CCDC15: variants seen among roughly 807,000 people sequenced by gnomAD.
CCDC15 encodes the protein coiled-coil domain-containing protein 15.
CCDC15 carries 105 observed loss-of-function variants against 114.5 expected under a neutral mutation model. That is an observed-to-expected ratio of 0.92 (90% CI 0.78 to 1.08). CCDC15 has a LOEUF of 1.08. CCDC15 is among the 50% of genes least tolerant of loss of function. The pLI, the probability that CCDC15 is intolerant of heterozygous loss-of-function variation, is 0.00. For missense variants in CCDC15, 1,105 were observed against 1,093.6 expected, an observed-to-expected ratio of 1.01 and a Z score of -0.15; for synonymous variants, 334 against 377.8, an observed-to-expected ratio of 0.88 and a Z score of 1.34.
At chr11:124,980,089 G>A (rs1359483392) in intron 6 of CCDC15, among the ~76,000 whole-genome samples, 2 of 152,242 alleles carry the variant, frequency 1.3e-5, no homozygotes, top group East Asian at 1.9e-4. Context: ...AATGATTTGT[G>A]TATGTTGAAC....
intron 4 of CCDC15, among the ~76,000 whole-genome samples, chr11:124,968,992 C>A (rs184672763): frequency 2.6e-5 from 4 of 152,116 alleles, no homozygotes; most frequent in African/African-American, 9.7e-5. Context: ...CTTAATTTTG[C>A]CCTCTCAGGT....
chr11:124,957,520 G>A (rs979589534), intron 2 of CCDC15, among the ~76,000 whole-genome samples: 17 of 152,216 alleles, frequency 1.1e-4, no homozygotes, highest in Admixed American at 9.2e-4. Context: ...AAGAACAGAG[G>A]TGGAAGTTTC....
At chr11:124,989,881 T>C (rs919984600) in intron 8 of CCDC15, among the ~76,000 whole-genome samples, 1 of 152,258 alleles carries the variant, frequency 6.6e-6, no homozygotes, top group Non-Finnish European at 1.5e-5. Flanking sequence ...TGGTTTGATC[T>C]GTCCATACTG....
At chr11:124,971,464 C>G (rs899061575) in intron 4 of CCDC15, among the ~76,000 whole-genome samples, 11 of 152,134 alleles carry the variant, frequency 7.2e-5, no homozygotes, top group Admixed American at 6.5e-5. Flanking sequence ...TTCAGAAGGT[C>G]GGTAATAACA....
rs1948807522 is a variant in CCDC15, at chr11:125,040,353, A to G, written c.2735-237A>G. ...TGCCTGGCCTATGATGACATTTTGT[A>G]TATACCTTTGGTTTGGAAGTATTAC... On this transcript the variant is annotated intron_variant, in intron 15 of 15. Transcript: ENST00000344762. Among the ~76,000 whole-genome samples, 4 of 152,244 alleles carry G rather than the reference A, an allele frequency of 2.6e-5. No individual in the cohort carries two copies. In the South Asian group the frequency reaches 8.3e-4, roughly 32 times the overall value.
intron 13 of CCDC15, among the ~76,000 whole-genome samples, chr11:125,019,366 G>A (rs1208802433): frequency 6.6e-6 from 1 of 151,918 alleles, no homozygotes; most frequent in Non-Finnish European, 1.5e-5. Flanking sequence ...GAGACACTAA[G>A]TTATTTACTT....
intron 11 of CCDC15, among the ~76,000 whole-genome samples, chr11:124,995,439 T>C (rs1948348765): frequency 6.6e-6 from 1 of 152,222 alleles, no homozygotes; most frequent in African/African-American, 2.4e-5. Flanking sequence ...ATACCTGTTT[T>C]GTTTACCATT....
intron 11 of CCDC15, among the ~76,000 whole-genome samples, chr11:124,996,004 A>G: frequency 1.3e-5 from 2 of 151,662 alleles, no homozygotes; most frequent in South Asian, 4.2e-4. Flanking sequence ...TAATTTTTGT[A>G]TTTTTAGTAG....
rs572457799 is a variant in CCDC15, at chr11:125,030,737, C to T, written c.2412-7694C>T. On this transcript the variant is annotated intron_variant, in intron 13 of 15. Transcript: ENST00000344762. ...TAGCCAGGTCAGCCTTGGTGAGTGG[C>T]AGTCCATGTTGCTGAGCCCATGCGT... 3.9e-5 allele frequency among the ~76,000 whole-genome samples: 6 copies of T among 152,258 alleles called. No homozygotes were observed. In the South Asian group the frequency reaches 1.2e-3, roughly 32 times the overall value.
At position 124,987,909 on chromosome 11, in the gene CCDC15, T is replaced by G; in HGVS notation, c.1683T>G (p.Asp561Glu). The change falls in exon 8 of 16, where the codon GAT (aspartate) becomes GAG (glutamate). Residue 561 changes from aspartate to glutamate, a missense_variant. By Grantham distance (45) the Asp-to-Glu change is conservative (BLOSUM62 2). Coordinates refer to ENST00000344762, the MANE Select transcript of CCDC15 (RefSeq NM_025004.3). ...WNILPKCQDQ[D>E]FLPRDQGVLP... The stretch of plus-strand genomic sequence containing the variant: ...TTCTACCCAAATGTCAGGACCAGGA[T>G]TTTCTACCCAGAGACCAAGGTGTTC... The G allele has an allele frequency of 6.2e-7, 1 of 1,613,810 alleles. No individual in the cohort carries two copies. Among genetic ancestry groups the G allele is most frequent in the Non-Finnish European group, 8.5e-7 (1 of 1,179,844 alleles).
chr11:125,021,475 T>C (rs747096731), intron 13 of CCDC15, among the ~76,000 whole-genome samples: 2 of 151,812 alleles, frequency 1.3e-5, no homozygotes, highest in Non-Finnish European at 2.9e-5. Flanking sequence ...AGCCACAAAT[T>C]ACTATAATAT....
intron 10 of CCDC15, 30 bp downstream of exon 10, chr11:124,992,717 T>C (rs1324218835): frequency 8.1e-7 from 1 of 1,238,722 alleles, no homozygotes; most frequent in East Asian, 2.5e-5. Context: ...GAGGACTGTA[T>C]ACCTTCTAAA....
intron 13 of CCDC15, among the ~76,000 whole-genome samples, chr11:125,008,026 C>T (rs1406090476): frequency 1.3e-5 from 2 of 152,214 alleles, no homozygotes; most frequent in East Asian, 1.9e-4. Flanking sequence ...TACCTCTCTA[C>T]ATAAACTTTA....
At chr11:125,018,124 A>C (rs1420856643) in intron 13 of CCDC15, among the ~76,000 whole-genome samples, 1 of 152,162 alleles carries the variant, frequency 6.6e-6, no homozygotes, top group Non-Finnish European at 1.5e-5. Context: ...ACATTTACTT[A>C]CTACTCGCTC....
intron 10 of CCDC15, 105 bp from the exon 11 acceptor site, chr11:124,993,064 T>C (rs1034182154): frequency 1.1e-5 from 8 of 696,248 alleles, no homozygotes; most frequent in Admixed American, 2.3e-5. Context: ...TCTATTATCC[T>C]CACCTAGTGT....
intron 13 of CCDC15, among the ~76,000 whole-genome samples, chr11:125,009,326 AT>A (rs1374347858): frequency 6.6e-6 from 1 of 152,220 alleles, no homozygotes; most frequent in East Asian, 1.9e-4. Context: ...AAGTGCTAAT[AT>A]GTGTAATAGT....
chr11:124,982,404 T>A (rs1948085600), intron 6 of CCDC15, among the ~76,000 whole-genome samples: 2 of 152,240 alleles, frequency 1.3e-5, no homozygotes, highest in African/African-American at 4.8e-5. Context: ...TACTTAAGTG[T>A]GTTTTTGTAG....
intron 13 of CCDC15, among the ~76,000 whole-genome samples, chr11:125,028,142 G>A (rs572862716): frequency 6.6e-6 from 1 of 152,098 alleles, no homozygotes; most frequent in Non-Finnish European, 1.5e-5. Flanking sequence ...TACCCATACT[G>A]TGCTGCTTTG....
At chr11:124,964,350 T>C (rs1947728441) in intron 4 of CCDC15, among the ~76,000 whole-genome samples, 1 of 152,186 alleles carries the variant, frequency 6.6e-6, no homozygotes. Flanking sequence ...CTTGAAGAGG[T>C]CCTTCACATC....
Sources: allele counts gnomAD v4.1 joint callset (sites outside exome capture counted in the v4.1 genomes callset), GRCh38; gene constraint gnomAD v4.1.1; transcripts MANE v1.5; gene names NCBI Gene and HGNC (gene_info 2026-07-23, HGNC 2026-07-21).